GLT1D1: variants seen among roughly 807,000 people sequenced by gnomAD.
GLT1D1 encodes glycosyltransferase 1 domain-containing protein 1.
GLT1D1 carries 21 observed loss-of-function variants against 28.7 expected under a neutral mutation model. That is an observed-to-expected ratio of 0.73 (90% confidence interval 0.52 to 1.05). The LOEUF (loss-of-function observed/expected upper bound fraction) is 1.05. Ranked by LOEUF, GLT1D1 falls within the 50% of genes least tolerant of loss-of-function variation. GLT1D1 has a pLI of 0.00. For missense variants in GLT1D1, 343 were observed against 330.6 expected, an observed-to-expected ratio of 1.04 and a Z score of -0.29; for synonymous variants, 147 against 124.8, an observed-to-expected ratio of 1.18 and a Z score of -1.19.
At chr12:128,944,908 A>G (rs1875820109) in intron 4 of GLT1D1, 1 of 462,450 alleles carries the variant, frequency 2.2e-6, no homozygotes, top group Non-Finnish European at 3.9e-6. Flanking sequence ...TCAACTCGTC[A>G]TTTACATTAG....
At chr12:128,945,712 G>A (rs540233866) in intron 5 of GLT1D1, among the ~76,000 whole-genome samples, 9 of 152,242 alleles carry the variant, frequency 5.9e-5, no homozygotes, top group South Asian at 4.1e-4. Context: ...TGCATTTGTC[G>A]GCCAGGAACC....
chr12:128,969,560 C>T (rs551672213), intron 7 of GLT1D1, among the ~76,000 whole-genome samples: 12 of 152,260 alleles, frequency 7.9e-5, no homozygotes, highest in African/African-American at 1.4e-4. Flanking sequence ...AGGGCCAGGA[C>T]GCGGGTGAGC....
At chr12:128,874,134 CTT>C (rs1482580210) in intron 1 of GLT1D1, among the ~76,000 whole-genome samples, 2 of 64,996 alleles carry the variant, frequency 3.1e-5, no homozygotes, top group African/African-American at 1.0e-4. Flanking sequence ...CTCTTTCTTT[CTT>C]TCTTTCTTTC....
intron 3 of GLT1D1, among the ~76,000 whole-genome samples, chr12:128,898,829 C>T (rs1459957655): frequency 6.6e-6 from 1 of 152,202 alleles, no homozygotes; most frequent in East Asian, 1.9e-4. Flanking sequence ...CATGTGCATT[C>T]AGTAAATTGT....
At chr12:128,952,184 G>A (rs1239444075) in intron 6 of GLT1D1, among the ~76,000 whole-genome samples, 2 of 151,998 alleles carry the variant, frequency 1.3e-5, no homozygotes, top group Non-Finnish European at 2.9e-5. Flanking sequence ...CAGGAAGCAG[G>A]CAAATGGAAG....
At chr12:128,899,019 T>A (rs1869945853) in intron 3 of GLT1D1, among the ~76,000 whole-genome samples, 1 of 152,246 alleles carries the variant, frequency 6.6e-6, no homozygotes, top group East Asian at 1.9e-4. Flanking sequence ...AATAGGAGTT[T>A]TGAGCTTCGT....
At chr12:128,951,969 T>C (rs1248916557) in intron 6 of GLT1D1, among the ~76,000 whole-genome samples, 1 of 152,116 alleles carries the variant, frequency 6.6e-6, no homozygotes, top group Non-Finnish European at 1.5e-5. Context: ...CCCGCCATGG[T>C]GTGGAATCCT....
At position 128,950,169 on chromosome 12, in the gene GLT1D1, G is replaced by A. The variant is rs912379213; in HGVS notation, c.540+2711G>A. ...TTTTCATCATTAGGAAGATGCTACT[G>A]GCATGTATTTGGGATGGAGCAGCTG... On this transcript the variant is annotated intron_variant, in intron 6 of 7. Coordinates refer to ENST00000281703, the MANE Select transcript of GLT1D1 (RefSeq NM_144669.3). Among the ~76,000 whole-genome samples, 4 of 152,138 alleles carry A rather than the reference G, an allele frequency of 2.6e-5. No individual in the cohort carries two copies. In the South Asian group the frequency reaches 6.2e-4, roughly 24 times the overall value.
At chr12:128,974,865 G>A (rs773318373) in intron 7 of GLT1D1, among the ~76,000 whole-genome samples, 1 of 152,218 alleles carries the variant, frequency 6.6e-6, no homozygotes, top group Non-Finnish European at 1.5e-5. Context: ...GCTGGATCCT[G>A]ACCTCCACTG....
At chr12:128,942,675 C>T (rs1374102192) in intron 4 of GLT1D1, among the ~76,000 whole-genome samples, 2 of 151,876 alleles carry the variant, frequency 1.3e-5, no homozygotes, top group Admixed American at 6.6e-5. Flanking sequence ...GACCACACAG[C>T]ACATCAGCAG....
intron 6 of GLT1D1, 52 bp from the exon 11 acceptor site, chr12:128,957,493 A>G (rs967090833): frequency 7.0e-5 from 89 of 1,262,652 alleles, no homozygotes; most frequent in Non-Finnish European, 9.5e-5. Flanking sequence ...ATCTTGCCGC[A>G]GAGGCTCTTG....
chr12:128,942,127 A>G (rs889273429), intron 4 of GLT1D1, among the ~76,000 whole-genome samples: 7 of 151,432 alleles, frequency 4.6e-5, no homozygotes, highest in Non-Finnish European at 8.8e-5. Flanking sequence ...ATTAGAACAC[A>G]GTCATTCAGA....
chr12:128,952,993 G>C (rs145410150), intron 6 of GLT1D1, among the ~76,000 whole-genome samples: 1 of 151,792 alleles, frequency 6.6e-6, no homozygotes, highest in Non-Finnish European at 1.5e-5. Context: ...TGTTGGCCTA[G>C]CTGGTCTTGA....
At chr12:128,965,575 A>G (rs1189452001) in intron 7 of GLT1D1, among the ~76,000 whole-genome samples, 1 of 152,078 alleles carries the variant, frequency 6.6e-6, no homozygotes, top group Admixed American at 6.6e-5. Context: ...GCAGCAATAG[A>G]AAACTAGTCC....
chr12:128,952,434 T>TGGGGGGGGGG (rs554517583), intron 6 of GLT1D1, among the ~76,000 whole-genome samples: 1 of 74,898 alleles, frequency 1.3e-5, no homozygotes, highest in African/African-American at 6.6e-5. Flanking sequence ...AGGGTGGGGG[T>TGGGGGGGGGG]GGGGGGGGGT....
Position 128,928,690 on chromosome 12 carries a change from G to A in GLT1D1, c.376-16636G>A, listed in dbSNP as rs1010851169. Among the ~76,000 whole-genome samples, 8 of 148,572 alleles carry A rather than the reference G, an allele frequency of 5.4e-5. 1 individual carries two copies. Among genetic ancestry groups the A allele is most frequent in the Admixed American group, 4.1e-4 (6 of 14,796 alleles). On this transcript the variant is annotated intron_variant, in intron 4 of 7. Coordinates refer to ENST00000281703, the MANE Select transcript of GLT1D1 (RefSeq NM_144669.3). ...GGCTAGAGTACAATGGTGTGATCTC[G>A]GCTCACTGCAACCTCTGCCTCCTGG...
At chr12:128,874,150 CTTTCTTTCTTTCTTTCTTTCTTTCTTTT>C (rs1956813124) in intron 1 of GLT1D1, among the ~76,000 whole-genome samples, 8 of 121,332 alleles carry the variant, frequency 6.6e-5, no homozygotes, top group Non-Finnish European at 1.2e-4. Context: ...TTCTTTCTTT[CTTTCTTTCTTTCTTTCTTTCTTTCTTTT>C]TTTCTCTTTC....
intron 4 of GLT1D1, chr12:128,944,503 A>G (rs1171531990): frequency 8.7e-6 from 9 of 1,039,854 alleles, no homozygotes; most frequent in South Asian, 5.0e-5. Flanking sequence ...CAGAGCATCA[A>G]TGCCCACAGT....
chr12:128,914,790 A>G (rs1035578699), intron 4 of GLT1D1, 143 bp from the exon 6 acceptor site: 2 of 626,206 alleles, frequency 3.2e-6, no homozygotes, highest in Non-Finnish European at 5.5e-6. Flanking sequence ...ACTGCACTGC[A>G]GCCTGGGTGA....
Sources: gnomAD v4.1 joint callset for allele counts (sites outside exome capture counted in the v4.1 genomes callset) on GRCh38, gnomAD v4.1.1 for gene constraint, MANE v1.5 for transcripts, NCBI Gene and HGNC (gene_info 2026-07-23, HGNC 2026-07-21) for gene names.